Variants in CNTNAP2 observed in about 807,000 individuals in gnomAD.
CNTNAP2 encodes the protein contactin associated protein 2, also known as contactin-associated protein-like 2.
In CNTNAP2, 98 loss-of-function variants were observed where a neutral mutation model predicts 155.2. The observed-to-expected ratio is 0.63, with a 90% CI of 0.54 to 0.75. CNTNAP2 has a LOEUF of 0.75. CNTNAP2 is among the 30% of genes least tolerant of loss of function. CNTNAP2 has a pLI of 0.00. For synonymous variants in CNTNAP2, 651 were observed against 631.2 expected (o/e 1.03, Z -0.47); for missense variants, 1,727 against 1,688.1 (o/e 1.02, Z -0.40).
At chr7:147,115,066 T>C (rs1800958027) in intron 5 of CNTNAP2, among the ~76,000 whole-genome samples, 1 of 152,340 alleles carries the variant, frequency 6.6e-6, no homozygotes, top group East Asian at 1.9e-4. Context: ...CCTTCACTTA[T>C]GAAGCTTAGT....
At chr7:147,436,581 A>T (rs1257926722) in intron 10 of CNTNAP2, among the ~76,000 whole-genome samples, 1 of 152,206 alleles carries the variant, frequency 6.6e-6, no homozygotes, top group Non-Finnish European at 1.5e-5. Context: ...CATAGGCAAG[A>T]GAGGCTTTAT....
intron 2 of CNTNAP2, among the ~76,000 whole-genome samples, chr7:146,781,857 AAACTGGG>A (rs1189657097): frequency 6.6e-6 from 1 of 152,104 alleles, no homozygotes; most frequent in Non-Finnish European, 1.5e-5. Flanking sequence ...GATATACTAT[AAACTGGG>A]AACGGAACCA....
intron 13 of CNTNAP2, among the ~76,000 whole-genome samples, chr7:147,724,339 G>A (rs528117880): frequency 2.4e-4 from 36 of 152,142 alleles, no homozygotes; most frequent in African/African-American, 7.5e-4. Context: ...ATCCTGAGCC[G>A]GAATTAAATG....
intron 11 of CNTNAP2, among the ~76,000 whole-genome samples, chr7:147,530,015 G>C (rs369925242): frequency 1.3e-5 from 2 of 152,068 alleles, no homozygotes; most frequent in Admixed American, 6.6e-5. Context: ...ATCAATAATC[G>C]TGGGGATTGT....
chr7:146,713,758 G>C (rs1463002622), intron 1 of CNTNAP2, among the ~76,000 whole-genome samples: 1 of 152,020 alleles, frequency 6.6e-6, no homozygotes, highest in African/African-American at 2.4e-5. Context: ...AGCTTGGTTA[G>C]AACCCAGCCT....
chr7:146,507,242 A>G (rs374178463), intron 1 of CNTNAP2, among the ~76,000 whole-genome samples: 1 of 152,190 alleles, frequency 6.6e-6, no homozygotes, highest in Admixed American at 6.5e-5. Flanking sequence ...CTATCCATGA[A>G]TAGCAGAGCT....
chr7:146,832,163 G>A (rs1336215060), intron 2 of CNTNAP2, among the ~76,000 whole-genome samples: 1 of 152,090 alleles, frequency 6.6e-6, no homozygotes, highest in African/African-American at 2.4e-5. Context: ...GCTCATTAAC[G>A]AGTTCATTTT....
chr7:146,209,110 G>A (rs2116880405), intron 1 of CNTNAP2, among the ~76,000 whole-genome samples: 1 of 152,206 alleles, frequency 6.6e-6, no homozygotes, highest in Non-Finnish European at 1.5e-5. Context: ...CTTTCTGTAG[G>A]TGATGCTGTC....
At chr7:147,648,523 G>T (rs989097117) in intron 13 of CNTNAP2, among the ~76,000 whole-genome samples, 10 of 152,200 alleles carry the variant, frequency 6.6e-5, no homozygotes, top group African/African-American at 2.4e-4. Flanking sequence ...AAAAGAAAGA[G>T]TTTTAATGGA....
At chr7:147,855,157 G>A (rs1207329542) in intron 13 of CNTNAP2, among the ~76,000 whole-genome samples, 1 of 152,032 alleles carries the variant, frequency 6.6e-6, no homozygotes, top group African/African-American at 2.4e-5. Flanking sequence ...GTGTGATGTA[G>A]ATTCACCCTC....
chr7:147,290,510 GTC>G (rs1230669184), intron 8 of CNTNAP2, among the ~76,000 whole-genome samples: 5 of 151,822 alleles, frequency 3.3e-5, no homozygotes, highest in African/African-American at 1.2e-4. Context: ...CTGAAACCCT[GTC>G]TCTACTAAAA....
chr7:146,433,339 C>T (rs887439902), intron 1 of CNTNAP2, among the ~76,000 whole-genome samples: 1 of 152,018 alleles, frequency 6.6e-6, no homozygotes, highest in African/African-American at 2.4e-5. Context: ...ATTCAGAACG[C>T]GATTTCAGTG....
intron 1 of CNTNAP2, among the ~76,000 whole-genome samples, chr7:146,513,469 C>G (rs1417559333): frequency 6.6e-6 from 1 of 151,682 alleles, no homozygotes; most frequent in East Asian, 1.9e-4. Context: ...GTCTCTTATA[C>G]CATGAAGCTT....
At chr7:148,235,165 A>G (rs1016029145) in intron 20 of CNTNAP2, among the ~76,000 whole-genome samples, 2 of 152,248 alleles carry the variant, frequency 1.3e-5, no homozygotes, top group Admixed American at 1.3e-4. Flanking sequence ...TCTTTAAAAT[A>G]ATATAAGCAC....
intron 15 of CNTNAP2, among the ~76,000 whole-genome samples, chr7:148,039,791 A>G (rs1370538904): frequency 2.0e-5 from 3 of 152,194 alleles, no homozygotes; most frequent in Non-Finnish European, 4.4e-5. Context: ...CTGCTTTCTC[A>G]TCTAAGAGTT....
chr7:147,132,341 C>T lies in CNTNAP2; in HGVS notation c.1180C>T (p.Leu394=). Residue 394 remains leucine (L), a synonymous_variant, in exon 8 of 24, where the codon CTG becomes TTG. Coordinates refer to ENST00000361727, the MANE Select transcript of CNTNAP2 (RefSeq NM_014141.6). ...LEVPGRLNQD[L]FSVSFQFRTW... is the part of the protein sequence containing the mutation. ...GGTGCCCGGACGGCTTAACCAGGAC[C>T]TGTTCTCAGTCAGTTTCCAGTTTAG... 2 of 1,613,722 alleles carry T rather than the reference C, an allele frequency of 1.2e-6. No individual in the cohort carries two copies. The highest frequency in any genetic ancestry group is 1.7e-6 in the Non-Finnish European group (2 of 1,179,808).
At chr7:146,842,677 G>C (rs978066673) in intron 3 of CNTNAP2, among the ~76,000 whole-genome samples, 2 of 151,962 alleles carry the variant, frequency 1.3e-5, no homozygotes, top group Non-Finnish European at 2.9e-5. Context: ...AAGAGACGGG[G>C]GTGTCACATA....
chr7:147,428,150 G>A (rs947223344), intron 10 of CNTNAP2, among the ~76,000 whole-genome samples: 2 of 152,080 alleles, frequency 1.3e-5, no homozygotes, highest in African/African-American at 4.8e-5. Flanking sequence ...ATGATGAACT[G>A]GGGAAATTGA....
intron 4 of CNTNAP2, among the ~76,000 whole-genome samples, chr7:147,065,463 G>A (rs1169164775): frequency 6.6e-6 from 1 of 152,032 alleles, no homozygotes; most frequent in African/African-American, 2.4e-5. Flanking sequence ...TACAATTTAA[G>A]ATGATCTTTT....
Sources: gnomAD v4.1 joint callset for allele counts (sites outside exome capture counted in the v4.1 genomes callset) on GRCh38, gnomAD v4.1.1 for gene constraint, MANE v1.5 for transcripts, NCBI Gene and HGNC (gene_info 2026-07-23, HGNC 2026-07-21) for gene names.